Variants in GABBR2 observed in about 807,000 individuals in gnomAD.
GABBR2 encodes gamma-aminobutyric acid type B receptor subunit 2.
GABBR2 carries 23 observed loss-of-function variants against 105.6 expected under a neutral mutation model. The ratio of observed to expected loss-of-function variants is 0.22; its 90% CI spans 0.16 to 0.31. The LOEUF is 0.31. Among genes scored for constraint, GABBR2 ranks in the 10% least tolerant of loss-of-function variants. The pLI is 1.00. For synonymous variants in GABBR2, 478 were observed against 499.7 expected, an observed-to-expected ratio of 0.96 and a Z score of 0.58; for missense variants, 734 against 1,245.5, an observed-to-expected ratio of 0.59 and a Z score of 6.18.
intron 6 of GABBR2, among the ~76,000 whole-genome samples, chr9:98,471,698 ACTGTACCAT>A (rs1220042511): frequency 6.6e-6 from 1 of 152,146 alleles, no homozygotes; most frequent in Admixed American, 6.5e-5. Flanking sequence ...CCATTTAGTT[ACTGTACCAT>A]CTGCTTTCAT....
intron 1 of GABBR2, among the ~76,000 whole-genome samples, chr9:98,592,240 T>C (rs1157759599): frequency 6.6e-6 from 1 of 152,188 alleles, no homozygotes; most frequent in African/African-American, 2.4e-5. Context: ...ACCAGATACC[T>C]GGGAGCCTAC....
chr9:98,539,772 T>G (rs1419149651), intron 3 of GABBR2, among the ~76,000 whole-genome samples: 2 of 151,482 alleles, frequency 1.3e-5, no homozygotes, highest in Non-Finnish European at 2.9e-5. Context: ...ATAAATTAGC[T>G]GGGTGTGGTG....
chr9:98,693,064 C>T (rs768712523), intron 1 of GABBR2, among the ~76,000 whole-genome samples: 6 of 152,176 alleles, frequency 3.9e-5, no homozygotes, highest in Non-Finnish European at 7.3e-5. Flanking sequence ...GATAGATCAG[C>T]GAGTGTTCCT....
chr9:98,290,587 C>T lies in GABBR2; in HGVS notation c.2823G>A (p.Leu941=), dbSNP rs1830287587. 1.4e-6 allele frequency: 2 copies of T among 1,382,678 alleles called. No homozygotes were observed. Among genetic ancestry groups the T allele is most frequent in the Non-Finnish European group, 1.9e-6 (2 of 1,066,412 alleles). The allele number at this position is 1,382,678 out of a possible 1,614,324, so 85.7% of individuals were successfully genotyped here. A position where few individuals can be genotyped will look rare whatever the true frequency, so the allele number is the denominator to read the frequency against. The change falls in exon 19 of 19, where the codon CTG becomes CTA. Residue 941 remains leucine (L), a synonymous_variant. Transcript: ENST00000259455. ...CCCGGGCCCAGGCCTCCCACCCTTA[C>T]AGGCCCGAGACCATGACTCGGAAGG... is the stretch of plus-strand genomic sequence containing the variant. The part of the protein sequence containing the change: ...PPSFRVMVSG[L]
chr9:98,606,127 T>C (rs1465057788), intron 1 of GABBR2, among the ~76,000 whole-genome samples: 2 of 152,264 alleles, frequency 1.3e-5, no homozygotes, highest in Non-Finnish European at 2.9e-5. Context: ...GGCTGCATAG[T>C]ATTCCATGGT....
rs796468720 is a variant in GABBR2 at position 98,323,261 on chromosome 9, C to T, written c.1894-12056G>A. ...AGGGCCCCACGACAGTGCTCTCCTC[C>T]GCCTGCCTTGGGGCACATGGATAGG... On this transcript the variant is annotated intron_variant, in intron 13 of 18. Coordinates refer to ENST00000259455, the MANE Select transcript of GABBR2 (RefSeq NM_005458.8). Among the ~76,000 whole-genome samples, 59 of 152,366 alleles carry T rather than the reference C, an allele frequency of 3.9e-4. 1 individual carries two copies. The highest frequency in any genetic ancestry group is 1.3e-3 in the African/African-American group (52 of 41,588).
intron 7 of GABBR2, among the ~76,000 whole-genome samples, chr9:98,446,039 A>G (rs1486237635): frequency 6.6e-6 from 1 of 152,206 alleles, no homozygotes; most frequent in African/African-American, 2.4e-5. Flanking sequence ...GCCACAGGAG[A>G]GAACTCAAGT....
intron 1 of GABBR2, among the ~76,000 whole-genome samples, chr9:98,666,723 G>A (rs1276107658): frequency 2.0e-5 from 3 of 152,106 alleles, no homozygotes; most frequent in Non-Finnish European, 4.4e-5. Flanking sequence ...TACTATATTG[G>A]ACAGCACAGG....
intron 9 of GABBR2, among the ~76,000 whole-genome samples, chr9:98,393,038 C>G (rs1832214665): frequency 1.1e-5 from 1 of 90,656 alleles, no homozygotes; most frequent in Non-Finnish European, 2.5e-5. Flanking sequence ...ACCCATCCAT[C>G]CATCCATCCA....
chr9:98,326,417 G>C (rs1184793654), intron 13 of GABBR2, among the ~76,000 whole-genome samples: 2 of 152,226 alleles, frequency 1.3e-5, no homozygotes, highest in African/African-American at 2.4e-5. Flanking sequence ...AAAGAAAAGA[G>C]AGAGTGGTAG....
At chr9:98,597,860 C>T (rs1039390654) in intron 1 of GABBR2, among the ~76,000 whole-genome samples, 9 of 151,992 alleles carry the variant, frequency 5.9e-5, no homozygotes, top group African/African-American at 2.2e-4. Context: ...CACTCTGTCT[C>T]CCAGGCTGGA....
At chr9:98,377,187 C>G in intron 11 of GABBR2, among the ~76,000 whole-genome samples, 1 of 102,468 alleles carries the variant, frequency 9.8e-6, no homozygotes, top group Admixed American at 1.5e-4. Flanking sequence ...GGTTGGGGAG[C>G]TTTTTGGAAA....
intron 1 of GABBR2, among the ~76,000 whole-genome samples, chr9:98,689,716 G>A (rs962831237): frequency 2.0e-5 from 3 of 152,216 alleles, no homozygotes; most frequent in South Asian, 2.1e-4. Context: ...TTTATGGCAC[G>A]GTTATGTTCT....
At chr9:98,708,279 G>A in intron 1 of GABBR2, 138 bp downstream of exon 1, 1 of 877,444 alleles carries the variant, frequency 1.1e-6, no homozygotes, top group Non-Finnish European at 1.6e-6. Context: ...GTGAACACTG[G>A]GCACCAGCCC....
chr9:98,506,487 C>T (rs1372280563), intron 3 of GABBR2, among the ~76,000 whole-genome samples: 6 of 152,156 alleles, frequency 3.9e-5, no homozygotes, highest in Admixed American at 6.5e-5. Flanking sequence ...GAGCTGGTCT[C>T]GCAGGGATGA....
At position 98,388,760 on chromosome 9, in the gene GABBR2, C is replaced by A; in HGVS notation, c.1529+94G>T. 1 of 1,018,614 alleles carries A rather than the reference C, an allele frequency of 9.8e-7. No homozygotes were observed. Among genetic ancestry groups the A allele is most frequent in the Non-Finnish European group, 1.4e-6 (1 of 693,196 alleles). 63.1% of individuals were successfully genotyped at this position (1,018,614 alleles called of 1,614,324 possible). A position where few individuals can be genotyped will look rare whatever the true frequency, so the allele number is the denominator to read the frequency against. On this transcript the variant is annotated intron_variant, in intron 10 of 18. Coordinates refer to ENST00000259455, the MANE Select transcript of GABBR2 (RefSeq NM_005458.8). The surrounding 1 kb of genome is among the most constrained non-coding windows in gnomAD (Gnocchi z 4.4). ...AACTCTGCCCTGCAGACTTCTGTGT[C>A]CCTGGGGAATCTGTCATGTGGCACT...
At chr9:98,412,868 A>G (rs1832614257) in intron 7 of GABBR2, among the ~76,000 whole-genome samples, 1 of 152,234 alleles carries the variant, frequency 6.6e-6, no homozygotes, top group African/African-American at 2.4e-5. Flanking sequence ...CTAGACAGAC[A>G]GGCCTTGCTG....
chr9:98,444,879 G>GCGCGCACA (rs939018102), intron 7 of GABBR2, among the ~76,000 whole-genome samples: 1 of 150,932 alleles, frequency 6.6e-6, no homozygotes, highest in South Asian at 2.1e-4. Flanking sequence ...GCGCGCGCGC[G>GCGCGCACA]CACACACACA....
chr9:98,608,175 C>T (rs994281909), intron 1 of GABBR2: 3 of 1,086,408 alleles, frequency 2.8e-6, no homozygotes, highest in Non-Finnish European at 4.1e-6. Flanking sequence ...TGCCAATATG[C>T]CAGCTTGGAC....
Sources: allele counts gnomAD v4.1 joint callset (sites outside exome capture counted in the v4.1 genomes callset), GRCh38; gene constraint gnomAD v4.1.1; non-coding constraint Gnocchi (gnomAD v3.1); transcripts MANE v1.5; gene names NCBI Gene and HGNC (gene_info 2026-07-23, HGNC 2026-07-21).